TBCA: variants seen among roughly 807,000 people sequenced by gnomAD.
The protein encoded by TBCA is tubulin folding cofactor A, also known as tubulin-specific chaperone A.
A neutral mutation model predicts 15.8 loss-of-function variants in TBCA; 6 were observed. The observed-to-expected ratio is 0.38, with a 90% CI of 0.21 to 0.75. The LOEUF is 0.75. Ranked by LOEUF, TBCA falls within the 30% of genes least tolerant of loss-of-function variation. The pLI is 0.46. For synonymous variants in TBCA, 32 were observed against 42.3 expected (o/e 0.76, Z 0.94); for missense variants, 90 against 131.2 (o/e 0.69, Z 1.53).
chr5:77,718,435 C>A (rs1746453495), intron 1 of TBCA, among the ~76,000 whole-genome samples: 1 of 151,988 alleles, frequency 6.6e-6, no homozygotes, highest in African/African-American at 2.4e-5. Flanking sequence ...TACTTGGATG[C>A]AGGAAGAAAA....
intron 2 of TBCA, among the ~76,000 whole-genome samples, chr5:77,701,741 C>G (rs1311235082): frequency 1.5e-5 from 2 of 135,330 alleles, no homozygotes; most frequent in African/African-American, 2.7e-5. Context: ...GAATACTACT[C>G]AGCCACAAAT....
chr5:77,770,291 C>T (rs353916), intron 1 of TBCA, among the ~76,000 whole-genome samples: 129,586 of 152,210 alleles, frequency 0.85, 55,707 homozygotes, highest in Non-Finnish European at 0.92. Context: ...AATTTAAATA[C>T]AGAACAAAAG....
At chr5:77,700,312 A>C (rs1472955366) in intron 2 of TBCA, among the ~76,000 whole-genome samples, 1 of 152,200 alleles carries the variant, frequency 6.6e-6, no homozygotes, top group Non-Finnish European at 1.5e-5. Flanking sequence ...TATCTGACAA[A>C]GGGCATGTGT....
intron 1 of TBCA, among the ~76,000 whole-genome samples, chr5:77,762,841 G>A (rs1330011982): frequency 6.6e-6 from 1 of 152,196 alleles, no homozygotes; most frequent in African/African-American, 2.4e-5. Flanking sequence ...AGGTATATAT[G>A]TACATCATTC....
At chr5:77,747,066 G>A (rs1195298954) in intron 1 of TBCA, among the ~76,000 whole-genome samples, 1 of 152,026 alleles carries the variant, frequency 6.6e-6, no homozygotes, top group Non-Finnish European at 1.5e-5. Flanking sequence ...TGTGGAGGGA[G>A]TCAGCATTAA....
At chr5:77,765,508 C>T (rs537325764) in intron 1 of TBCA, among the ~76,000 whole-genome samples, 19 of 152,168 alleles carry the variant, frequency 1.2e-4, no homozygotes, top group Non-Finnish European at 2.6e-4. Context: ...CACCTGAAGC[C>T]CAAGTCCTTA....
At chr5:77,704,587 T>C (rs867902842) in intron 2 of TBCA, among the ~76,000 whole-genome samples, 4 of 152,204 alleles carry the variant, frequency 2.6e-5, no homozygotes, top group Middle Eastern at 3.4e-3. Context: ...AAAGGCACAA[T>C]AAATGTTAAG....
intron 1 of TBCA, among the ~76,000 whole-genome samples, chr5:77,727,784 T>A (rs1011241777): frequency 1.3e-5 from 2 of 152,184 alleles, no homozygotes; most frequent in Non-Finnish European, 2.9e-5. Flanking sequence ...AATTTCATTA[T>A]AATAAAATAG....
rs1216512727 is a variant in TBCA, at chr5:77,776,303, C to G, written c.-46G>C. The G allele has an allele frequency of 6.4e-7, 1 of 1,555,650 alleles. No individual in the cohort carries two copies. The highest frequency in any genetic ancestry group is 1.9e-5 in the Admixed American group (1 of 51,962). On this transcript the variant is annotated 5_prime_UTR_variant, in exon 1 of 4. Transcript: ENST00000380377. ...AAGGAGGGGCGGAGAGCCGGGGTAA[C>G]CGTGGAGGGCGACGCGCAGAGGCTG...
chr5:77,699,033 CAAAAAAAA>C (rs71608119), intron 2 of TBCA, among the ~76,000 whole-genome samples: 98 of 70,086 alleles, frequency 1.4e-3, no homozygotes, highest in African/African-American at 5.6e-3. Flanking sequence ...GCAAGAGCAT[CAAAAAAAA>C]AAAAAAAAAA....
intron 1 of TBCA, among the ~76,000 whole-genome samples, chr5:77,756,059 G>A (rs576866224): frequency 1.3e-5 from 2 of 152,086 alleles, no homozygotes; most frequent in Non-Finnish European, 2.9e-5. Flanking sequence ...AAGGGGGGTC[G>A]TTCTCCTTGT....
intron 1 of TBCA, among the ~76,000 whole-genome samples, chr5:77,709,183 T>G (rs2112440322): frequency 6.6e-6 from 1 of 152,280 alleles, no homozygotes; most frequent in South Asian, 2.1e-4. Context: ...ATGCCAGACT[T>G]TCCTTGTGCA....
chr5:77,736,241 CAGA>C (rs1355569727), intron 1 of TBCA, among the ~76,000 whole-genome samples: 1 of 149,492 alleles, frequency 6.7e-6, no homozygotes, highest in Non-Finnish European at 1.5e-5. Flanking sequence ...GAGGCTGAGG[CAGA>C]AGAATGGCGT....
chr5:77,733,898 C>G (rs540532195), intron 1 of TBCA, among the ~76,000 whole-genome samples: 2 of 152,342 alleles, frequency 1.3e-5, no homozygotes, highest in South Asian at 2.1e-4. Flanking sequence ...GAGGCTGACT[C>G]TCTTGCTAGG....
intron 3 of TBCA, 190 bp from the exon 4 acceptor site, chr5:77,691,688 G>A (rs1745751993): frequency 3.8e-6 from 5 of 1,332,446 alleles, no homozygotes; most frequent in Non-Finnish European, 4.8e-6. Flanking sequence ...AGGAAAGGAA[G>A]AAATAACTGG....
chr5:77,754,158 T>C (rs1394074176), intron 1 of TBCA, among the ~76,000 whole-genome samples: 1 of 152,216 alleles, frequency 6.6e-6, no homozygotes, highest in Admixed American at 6.5e-5. Flanking sequence ...ATATTTCTCT[T>C]TCTTGAAGAA....
At chr5:77,700,289 T>C (rs939728468) in intron 2 of TBCA, among the ~76,000 whole-genome samples, 2 of 152,016 alleles carry the variant, frequency 1.3e-5, no homozygotes, top group African/African-American at 4.8e-5. Context: ...GACAGAAATA[T>C]CTGCAAACCA....
intron 2 of TBCA, among the ~76,000 whole-genome samples, chr5:77,698,171 A>C (rs1405293414): frequency 9.6e-5 from 7 of 73,274 alleles, no homozygotes; most frequent in African/African-American, 2.2e-4. Flanking sequence ...CTTGAAAAGA[A>C]AAAAAAAAAA....
chr5:77,719,373 T>C (rs1329863366), intron 1 of TBCA, among the ~76,000 whole-genome samples: 1 of 152,186 alleles, frequency 6.6e-6, no homozygotes, highest in East Asian at 1.9e-4. Context: ...AATATCTGAA[T>C]AGCACAAAAG....
Sources: gnomAD v4.1 joint callset for allele counts (sites outside exome capture counted in the v4.1 genomes callset) on GRCh38, gnomAD v4.1.1 for gene constraint, MANE v1.5 for transcripts, NCBI Gene and HGNC (gene_info 2026-07-23, HGNC 2026-07-21) for gene names.